Variants in MAGI2 observed in about 807,000 individuals in gnomAD.
MAGI2 encodes the protein membrane-associated guanylate kinase, WW and PDZ domain-containing protein 2.
In MAGI2, 35 loss-of-function variants were observed where a neutral mutation model predicts 133.3. That is an observed-to-expected ratio of 0.26 (90% CI 0.20 to 0.35). The LOEUF is 0.35. Ranked by LOEUF, MAGI2 falls within the 10% of genes least tolerant of loss-of-function variation. MAGI2 has a pLI of 1.00. For synonymous variants in MAGI2, 729 were observed against 710.6 expected, an observed-to-expected ratio of 1.03 and a Z score of -0.41; for missense variants, 1,636 against 1,863.4, an observed-to-expected ratio of 0.88 and a Z score of 2.25.
At chr7:78,106,309 G>A (rs1295289080) in intron 20 of MAGI2, among the ~76,000 whole-genome samples, 1 of 152,080 alleles carries the variant, frequency 6.6e-6, no homozygotes, top group Non-Finnish European at 1.5e-5. Flanking sequence ...GAATACCACT[G>A]TAATAAACAA....
chr7:78,218,948 C>G (rs1465378498), intron 10 of MAGI2, among the ~76,000 whole-genome samples: 3 of 152,200 alleles, frequency 2.0e-5, no homozygotes, highest in Non-Finnish European at 4.4e-5. Flanking sequence ...ACATTTTGTG[C>G]CTCTTCTGTC....
intron 2 of MAGI2, among the ~76,000 whole-genome samples, chr7:78,983,464 G>A (rs1440414763): frequency 6.6e-6 from 1 of 151,772 alleles, no homozygotes; most frequent in Non-Finnish European, 1.5e-5. Context: ...TGTTCTCTTT[G>A]GGGATATTAC....
At chr7:78,279,219 C>T (rs184666124) in intron 9 of MAGI2, among the ~76,000 whole-genome samples, 18 of 152,196 alleles carry the variant, frequency 1.2e-4, no homozygotes, top group East Asian at 3.9e-4. Context: ...TTGACTCAAA[C>T]GGTGGTATCA....
At chr7:78,188,660 C>T (rs1827923000) in intron 12 of MAGI2, among the ~76,000 whole-genome samples, 1 of 152,128 alleles carries the variant, frequency 6.6e-6, no homozygotes, top group African/African-American at 2.4e-5. Flanking sequence ...CGGACACCAG[C>T]AGTGTTCAAG....
intron 2 of MAGI2, among the ~76,000 whole-genome samples, chr7:78,908,098 A>C (rs563882964): frequency 1.3e-5 from 2 of 152,240 alleles, no homozygotes; most frequent in African/African-American, 4.8e-5. Context: ...TATTTGAGAG[A>C]CTTGGTTTGG....
chr7:78,551,685 G>A (rs1407178154), intron 3 of MAGI2, among the ~76,000 whole-genome samples: 2 of 152,172 alleles, frequency 1.3e-5, no homozygotes, highest in African/African-American at 4.8e-5. Context: ...TGAATTATAC[G>A]AAAGTTTAAA....
intron 10 of MAGI2, among the ~76,000 whole-genome samples, chr7:78,241,233 T>C (rs900742785): frequency 1.3e-5 from 2 of 152,092 alleles, no homozygotes; most frequent in African/African-American, 4.8e-5. Context: ...TTTGGGAAAC[T>C]GACAAAATAT....
At chr7:78,568,078 A>ACTC (rs1335041043) in intron 3 of MAGI2, 2 of 151,570 alleles carry the variant, frequency 1.3e-5, no homozygotes, top group Non-Finnish European at 1.5e-5. Flanking sequence ...AAACGCACAC[A>ACTC]CTCCTTGTCT....
intron 1 of MAGI2, among the ~76,000 whole-genome samples, chr7:79,145,907 A>C (rs1382265572): frequency 6.6e-6 from 1 of 152,240 alleles, no homozygotes; most frequent in Admixed American, 6.5e-5. Context: ...CCTGCTTCAC[A>C]GAAGGCGTTT....
intron 1 of MAGI2, among the ~76,000 whole-genome samples, chr7:79,027,694 A>G (rs1444975538): frequency 6.6e-6 from 1 of 152,220 alleles, no homozygotes; most frequent in Non-Finnish European, 1.5e-5. Flanking sequence ...CAACCAAAAA[A>G]TAAGTATTTG....
In MAGI2 at chr7:78,738,578, G is replaced by T. The variant is rs181580028; in HGVS notation, c.419-111339C>A. ...CTGCAGGCTAATATTATATTTCAAA[G>T]GGTGCATTTTATGATATTGGTATGA... On this transcript the variant is annotated intron_variant, in intron 2 of 21. Transcript: ENST00000354212. Among the ~76,000 whole-genome samples the T allele has an allele frequency of 6.6e-4, 101 of 152,220 alleles. 1 individual carries two copies. The East Asian group carries it at 0.018, about 27-fold the overall frequency.
At chr7:78,667,801 T>G (rs902298734) in intron 2 of MAGI2, among the ~76,000 whole-genome samples, 1 of 152,152 alleles carries the variant, frequency 6.6e-6, no homozygotes, top group Admixed American at 6.6e-5. Flanking sequence ...TATTGGACAT[T>G]TGGGTTGGTT....
At position 78,686,951 on chromosome 7, in the gene MAGI2, C is replaced by T. The variant is rs146035760; in HGVS notation, c.419-59712G>A. 3.2e-3 allele frequency among the ~76,000 whole-genome samples: 485 copies of T among 152,266 alleles called. 1 individual carries two copies. The highest frequency in any genetic ancestry group is 4.8e-3 in the South Asian group (23 of 4,828). On this transcript the variant is annotated intron_variant, in intron 2 of 21. Transcript: ENST00000354212. ...CAGGGGTGAATGAGCTTCATTATTGCAAGATGTAAGTAAAAGTTTTATATT... is the reference window on the plus strand; with the variant it reads ...CAGGGGTGAATGAGCTTCATTATTGTAAGATGTAAGTAAAAGTTTTATATT...
intron 1 of MAGI2, among the ~76,000 whole-genome samples, chr7:79,042,722 A>G (rs544044218): frequency 1.3e-5 from 2 of 152,104 alleles, no homozygotes; most frequent in Non-Finnish European, 2.9e-5. Flanking sequence ...TCTGAATTTG[A>G]TACTTGGCCA....
At chr7:79,284,254 C>A (rs1835849508) in intron 1 of MAGI2, among the ~76,000 whole-genome samples, 1 of 152,060 alleles carries the variant, frequency 6.6e-6, no homozygotes, top group African/African-American at 2.4e-5. Flanking sequence ...TAGTCTTTAT[C>A]AGTCTCCTCC....
chr7:79,145,032 GT>G (rs1364847342), intron 1 of MAGI2, among the ~76,000 whole-genome samples: 1 of 152,094 alleles, frequency 6.6e-6, no homozygotes, highest in Non-Finnish European at 1.5e-5. Context: ...GTTTGGAAAT[GT>G]TTTTCTAGGG....
chr7:78,394,788 G>C (rs907469293), intron 6 of MAGI2, among the ~76,000 whole-genome samples: 1 of 152,130 alleles, frequency 6.6e-6, no homozygotes, highest in African/African-American at 2.4e-5. Context: ...CTCAATGGTT[G>C]TTGCATTCCC....
chr7:78,611,691 A>G (rs1017046321), intron 3 of MAGI2, among the ~76,000 whole-genome samples: 12 of 152,256 alleles, frequency 7.9e-5, no homozygotes, highest in African/African-American at 2.9e-4. Context: ...ACACACGTAC[A>G]GCCTGGGATG....
chr7:78,178,143 C>T, intron 13 of MAGI2, 41 bp from the exon 14 acceptor site: 1 of 1,269,778 alleles, frequency 7.9e-7, no homozygotes, highest in Non-Finnish European at 1.2e-6. Flanking sequence ...AATCCTGCCT[C>T]TTTCCCAGCC....
Sources: gnomAD v4.1 joint callset for allele counts (sites outside exome capture counted in the v4.1 genomes callset) on GRCh38, gnomAD v4.1.1 for gene constraint, MANE v1.5 for transcripts, NCBI Gene and HGNC (gene_info 2026-07-23, HGNC 2026-07-21) for gene names.